VCAN: variants seen among roughly 807,000 people sequenced by gnomAD.
The protein encoded by VCAN is versican core protein.
VCAN carries 44 observed loss-of-function variants against 245.5 expected under a neutral mutation model. That is an observed-to-expected ratio of 0.18 (90% CI 0.14 to 0.23). The LOEUF is 0.23. Among genes scored for constraint, VCAN ranks in the 10% least tolerant of loss-of-function variants. VCAN has a pLI of 1.00. For missense variants in VCAN, 3,793 were observed against 4,057.9 expected (o/e 0.93, Z 1.77); for synonymous variants, 1,413 against 1,437.0 (o/e 0.98, Z 0.38).
At chr5:83,512,630 G>A (rs1266522251) in intron 6 of VCAN, 1 of 541,268 alleles carries the variant, frequency 1.8e-6, no homozygotes, top group African/African-American at 1.9e-5. Flanking sequence ...AGGTTAAGCT[G>A]TAACTGTGCT....
At chr5:83,506,959 C>G (rs1402252888) in intron 5 of VCAN, among the ~76,000 whole-genome samples, 1 of 152,066 alleles carries the variant, frequency 6.6e-6, no homozygotes, top group African/African-American at 2.4e-5. Context: ...AAGACTGGCC[C>G]CCATTATTCA....
intron 6 of VCAN, among the ~76,000 whole-genome samples, chr5:83,515,345 A>G (rs1745807892): frequency 6.6e-6 from 1 of 152,250 alleles, no homozygotes; most frequent in South Asian, 2.1e-4. Context: ...TCTCTCACAG[A>G]ATGTGATTAA....
intron 7 of VCAN, among the ~76,000 whole-genome samples, chr5:83,525,850 T>A (rs1746274357): frequency 2.0e-5 from 3 of 152,190 alleles, no homozygotes; most frequent in African/African-American, 7.2e-5. Context: ...AAATATGGTG[T>A]TATGGAGAGG....
At chr5:83,472,568 G>A (rs1744234372) in intron 1 of VCAN, among the ~76,000 whole-genome samples, 1 of 152,178 alleles carries the variant, frequency 6.6e-6, no homozygotes, top group Admixed American at 6.5e-5. Flanking sequence ...TCCTGACAGT[G>A]CGACCCGGCG....
intron 1 of VCAN, among the ~76,000 whole-genome samples, chr5:83,477,779 T>C (rs1466599423): frequency 1.3e-5 from 2 of 152,100 alleles, no homozygotes; most frequent in African/African-American, 4.8e-5. Flanking sequence ...TCTATCAAAA[T>C]ATGAGCAAAA....
At chr5:83,574,266 G>C (rs309583) in intron 13 of VCAN, among the ~76,000 whole-genome samples, 43,180 of 152,004 alleles carry the variant, frequency 0.28, 6,276 homozygotes, top group Admixed American at 0.31. Context: ...GAAACACTCT[G>C]AGACGTGCCC....
intron 12 of VCAN, among the ~76,000 whole-genome samples, chr5:83,560,070 G>A (rs1429328740): frequency 6.6e-6 from 1 of 151,718 alleles, no homozygotes; most frequent in African/African-American, 2.4e-5. Context: ...TCTTATAAAT[G>A]TATCAACCCA....
chr5:83,525,459 A>C (rs1746258336), intron 7 of VCAN, among the ~76,000 whole-genome samples: 1 of 152,212 alleles, frequency 6.6e-6, no homozygotes, highest in Non-Finnish European at 1.5e-5. Context: ...GTGGAACAGA[A>C]CTGTGAATGT....
intron 12 of VCAN, among the ~76,000 whole-genome samples, chr5:83,563,244 A>G (rs1213757893): frequency 6.6e-6 from 1 of 152,142 alleles, no homozygotes; most frequent in Non-Finnish European, 1.5e-5. Flanking sequence ...AACATAAATA[A>G]AGAAGGACCC....
intron 6 of VCAN, 39 bp downstream of exon 6, chr5:83,512,435 A>T: frequency 6.2e-7 from 1 of 1,606,196 alleles, no homozygotes; most frequent in Non-Finnish European, 8.5e-7. Flanking sequence ...ACAGTTTTAA[A>T]AAAAATGCTT....
chr5:83,542,107 C>T lies in VCAN; in HGVS notation c.9104C>T (p.Ala3035Val), dbSNP rs111512368. 2,706 of 1,614,026 alleles carry T rather than the reference C, an allele frequency of 1.7e-3. 39 individuals carry two copies. The African/African-American group carries it at 0.031, about 19-fold the overall frequency. ...GCAGCATCAGAACAGCAAGTGGCAG[C>T]GAGAATTCTTGATTCCAATGATCAG... is the stretch of plus-strand genomic sequence containing the variant. Reference protein sequence around the residue: ...TIAASEQQVAARILDSNDQAT... With the variant: ...TIAASEQQVAVRILDSNDQAT... Residue 3035 changes from alanine (A) to valine (V), a missense_variant, in exon 8 of 15, where the codon GCG becomes GTG. By Grantham distance (64) the Ala-to-Val change is moderately conservative (BLOSUM62 0). Transcript: ENST00000265077.
chr5:83,525,202 C>T (rs1481986670), intron 7 of VCAN, among the ~76,000 whole-genome samples: 1 of 151,886 alleles, frequency 6.6e-6, no homozygotes, highest in African/African-American at 2.4e-5. Context: ...AACTTTTCAG[C>T]TCATAAAAGT....
Position 83,540,302 on chromosome 5 carries a change from T to C in VCAN, c.7299T>C (p.Ser2433=). The C allele has an allele frequency of 6.2e-7, 1 of 1,614,138 alleles. No individual in the cohort carries two copies. The highest frequency in any genetic ancestry group is 1.1e-5 in the South Asian group (1 of 91,080). The part of the protein sequence containing the change: ...DLYYEPSGEG[S]GEVDIVDSFH... ...ATTATGAACCTTCTGGAGAAGGATCTGGAGAAGTGGATATTGTTGATTCAT... is the reference window on the plus strand; with the variant it reads ...ATTATGAACCTTCTGGAGAAGGATCCGGAGAAGTGGATATTGTTGATTCAT... The change falls in exon 8 of 15, where the codon TCT becomes TCC. Residue 2433 remains serine (S), a synonymous_variant. Transcript: ENST00000265077.
chr5:83,519,697 C>T lies in VCAN; in HGVS notation c.1391C>T (p.Thr464Ile), dbSNP rs747793450. The change falls in exon 7 of 15, where the codon ACT becomes ATT. Residue 464 changes from threonine (T) to isoleucine (I), a missense_variant. Around this residue, in one of 5 missense-constraint regions of VCAN, gnomAD observed 3,182 missense variants for 3,250.3 expected, o/e 0.98. Coordinates refer to ENST00000265077, the MANE Select transcript of VCAN (RefSeq NM_004385.5). Reference sequence around the variant, plus strand: ...AAGGAAGAAGTGCTCCAGAGTACAACTGGCGTCTCTCATTATGCTACGGAT... The same window carrying T: ...AAGGAAGAAGTGCTCCAGAGTACAATTGGCGTCTCTCATTATGCTACGGAT... Reference protein sequence around the residue: ...EIKEEVLQSTTGVSHYATDSW... With the variant: ...EIKEEVLQSTIGVSHYATDSW... The T allele has an allele frequency of 1.1e-5, 17 of 1,614,192 alleles. No individual in the cohort carries two copies. In the East Asian group the frequency reaches 2.9e-4, roughly 28 times the overall value.
chr5:83,496,740 T>C (rs1023285105), intron 5 of VCAN, among the ~76,000 whole-genome samples: 13 of 152,210 alleles, frequency 8.5e-5, no homozygotes, highest in African/African-American at 2.9e-4. Flanking sequence ...GTAACTTTTA[T>C]GGCTGATGAG....
At position 83,539,018 on chromosome 5, in the gene VCAN, A is replaced by G; in HGVS notation, c.6015A>G (p.Thr2005=). 5.0e-6 allele frequency: 8 copies of G among 1,613,988 alleles called. No homozygotes were observed. Among genetic ancestry groups the G allele is most frequent in the Non-Finnish European group, 6.8e-6 (8 of 1,179,950 alleles). The change falls in exon 8 of 15, where the codon ACA becomes ACG. Residue 2005 remains threonine, a synonymous_variant. Coordinates refer to ENST00000265077, the MANE Select transcript of VCAN (RefSeq NM_004385.5). Reference sequence around the variant, plus strand: ...CAGCCTTCCCCTGGGAAGAGTTTACATCCTCAGCTGAGGGCTCAGGTGAGC... The same window carrying G: ...CAGCCTTCCCCTGGGAAGAGTTTACGTCCTCAGCTGAGGGCTCAGGTGAGC... ...STSAFPWEEF[T]SSAEGSGEQL...
At chr5:83,503,759 G>T (rs1311983849) in intron 5 of VCAN, among the ~76,000 whole-genome samples, 1 of 152,184 alleles carries the variant, frequency 6.6e-6, no homozygotes, top group Non-Finnish European at 1.5e-5. Context: ...AGTCAGGAAA[G>T]AATTGTGTAA....
chr5:83,491,648 C>T (rs1202882433), intron 3 of VCAN, among the ~76,000 whole-genome samples: 1 of 152,034 alleles, frequency 6.6e-6, no homozygotes, highest in East Asian at 1.9e-4. Flanking sequence ...CATTTTTCAT[C>T]ATTAAAGAAT....
In VCAN at chr5:83,522,395, CA is replaced by C. The variant is rs1746143542; in HGVS notation, c.4003+89del. On this transcript the variant is annotated intron_variant, in intron 7 of 14. Coordinates refer to ENST00000265077, the MANE Select transcript of VCAN (RefSeq NM_004385.5). Reference sequence around the variant, plus strand: ...TTTTGGGGAAAAAAAGTCAACATACCAAATGCTGCTATTAGAAGATAACTGG... The same window carrying C: ...TTTTGGGGAAAAAAAGTCAACATACCAATGCTGCTATTAGAAGATAACTGG... 7.2e-6 allele frequency: 10 copies of C among 1,388,248 alleles called. No homozygotes were observed. The Admixed American group carries it at 1.4e-4, about 19-fold the overall frequency. 86.0% of individuals were successfully genotyped at this position (1,388,248 alleles called of 1,614,324 possible).
Sources: gnomAD v4.1 joint callset for allele counts (sites outside exome capture counted in the v4.1 genomes callset) on GRCh38, gnomAD v4.1.1 for gene constraint, gnomAD v4.1.1 regional missense constraint, MANE v1.5 for transcripts, NCBI Gene and HGNC (gene_info 2026-07-23, HGNC 2026-07-21) for gene names.